The following MTA3 variants were observed in gnomAD, a reference collection of about 807,000 sequenced individuals.
MTA3 encodes the protein metastasis-associated protein MTA3.
A neutral mutation model predicts 83.5 loss-of-function variants in MTA3; 34 were observed. The ratio of observed to expected loss-of-function variants is 0.41; its 90% CI spans 0.31 to 0.54. MTA3 has a LOEUF of 0.54. Among genes scored for constraint, MTA3 ranks in the 20% least tolerant of loss-of-function variants. The pLI is 0.33. For synonymous variants in MTA3, 303 were observed against 252.7 expected (o/e 1.20, Z -1.89); for missense variants, 761 against 726.4 (o/e 1.05, Z -0.55).
At chr2:42,623,077 C>G (rs147570980) in intron 4 of MTA3, among the ~76,000 whole-genome samples, 23 of 152,180 alleles carry the variant, frequency 1.5e-4, no homozygotes, top group African/African-American at 5.5e-4. Flanking sequence ...TAAATGGTAC[C>G]AAGTCAGTTG....
chr2:42,532,106 C>G (rs1572935568), intron 2 of MTA3, among the ~76,000 whole-genome samples: 1 of 152,222 alleles, frequency 6.6e-6, no homozygotes, highest in South Asian at 2.1e-4. Flanking sequence ...TTTCCCTGAG[C>G]TTAGCCATAA....
At chr2:42,555,092 G>T (rs1300443783) in intron 2 of MTA3, among the ~76,000 whole-genome samples, 2 of 152,064 alleles carry the variant, frequency 1.3e-5, no homozygotes, top group South Asian at 2.1e-4. Flanking sequence ...GGAGGAGGTT[G>T]CAGTGAGCCG....
intron 2 of MTA3, among the ~76,000 whole-genome samples, chr2:42,551,479 C>T (rs1419407996): frequency 6.6e-6 from 1 of 152,140 alleles, no homozygotes; most frequent in Non-Finnish European, 1.5e-5. Flanking sequence ...GCCTGAGTCA[C>T]CACGCTGGCT....
In MTA3 at chr2:42,656,234, A is replaced by G; in HGVS notation, c.534A>G (p.Glu178=). The G allele has an allele frequency of 6.2e-7, 1 of 1,613,864 alleles. No homozygotes were observed. The highest frequency in any genetic ancestry group is 8.5e-7 in the Non-Finnish European group (1 of 1,179,792). ...ESDEREQSKL[E]VKVWDPNSPL... ...ATGAGAGGGAACAATCAAAATTGGA[A>G]GTTAAAGTTTGGGATCCAAATAGCC... Residue 178 remains glutamate, a synonymous_variant, in exon 7 of 17, where the codon GAA becomes GAG. Transcript: ENST00000405094.
chr2:42,573,665 C>G (rs998932252), intron 2 of MTA3, among the ~76,000 whole-genome samples: 1 of 148,368 alleles, frequency 6.7e-6, no homozygotes, highest in Non-Finnish European at 1.5e-5. Context: ...CGCCCAACAC[C>G]ATGCCTGGCT....
chr2:42,650,600 C>T (rs553856045), intron 6 of MTA3, among the ~76,000 whole-genome samples: 10 of 152,068 alleles, frequency 6.6e-5, no homozygotes, highest in Middle Eastern at 3.4e-3. Context: ...CCACCAAGCC[C>T]GGCTAATTTT....
In MTA3 at chr2:42,708,033, A is replaced by C; in HGVS notation, c.1281A>C (p.Leu427Phe). Reference protein sequence around the residue: ...KMPTQSEEEKLSPSPTTEDPR... With the variant: ...KMPTQSEEEKFSPSPTTEDPR... ...CCACCCAGTCAGAAGAAGAGAAGTT[A>C]TCTCCTAGCCCAACTACAGAGGTAC... The change falls in exon 13 of 17, where the codon TTA (leucine) becomes TTC (phenylalanine). Residue 427 changes from leucine (L) to phenylalanine (F), a missense_variant. By Grantham distance (22) the Leu-to-Phe change is conservative (BLOSUM62 0). Transcript: ENST00000405094. 6.2e-7 allele frequency: 1 copy of C among 1,611,266 alleles called. No individual in the cohort carries two copies. Among genetic ancestry groups the C allele is most frequent in the Non-Finnish European group, 8.5e-7 (1 of 1,179,250 alleles).
rs115098348 is a variant in MTA3 at position 42,744,382 on chromosome 2, G to A, written c.1760-8992G>A. Among the ~76,000 whole-genome samples, 333 of 152,334 alleles carry A rather than the reference G, an allele frequency of 2.2e-3. 2 individuals carry two copies. Among genetic ancestry groups the A allele is most frequent in the African/African-American group, 7.7e-3 (318 of 41,562 alleles). ...TATCATGTCTCTGAGGGAAGCACTA[G>A]TGTGTGAGCCCCTCAGAGGCCTAGA... On this transcript the variant is annotated intron_variant, in intron 16 of 16. Transcript: ENST00000405094.
At chr2:42,524,584 A>G (rs1468044363) in intron 2 of MTA3, among the ~76,000 whole-genome samples, 1 of 144,302 alleles carries the variant, frequency 6.9e-6, no homozygotes, top group African/African-American at 2.6e-5. Context: ...TCGGCCTCCC[A>G]AAGTGCTGGG....
At chr2:42,661,506 C>CAAAAAAAA (rs1296698587) in intron 8 of MTA3, among the ~76,000 whole-genome samples, 2 of 27,202 alleles carry the variant, frequency 7.4e-5, no homozygotes, top group East Asian at 7.4e-4. Flanking sequence ...GACCCTGTCT[C>CAAAAAAAA]AAAAAAAAAA....
At chr2:42,645,754 T>C (rs982664202) in intron 6 of MTA3, among the ~76,000 whole-genome samples, 1 of 152,150 alleles carries the variant, frequency 6.6e-6, no homozygotes, top group Non-Finnish European at 1.5e-5. Context: ...GGTTGGGTCA[T>C]GGGGTTTAAG....
chr2:42,592,668 C>T (rs1292840798), intron 3 of MTA3, among the ~76,000 whole-genome samples: 1 of 152,140 alleles, frequency 6.6e-6, no homozygotes, highest in African/African-American at 2.4e-5. Context: ...TACACAGGGT[C>T]AGGATCATCA....
chr2:42,750,229 T>C (rs1669771873), intron 16 of MTA3, among the ~76,000 whole-genome samples: 1 of 152,126 alleles, frequency 6.6e-6, no homozygotes, highest in Admixed American at 6.5e-5. Context: ...GAACTTGTGA[T>C]CCACCTGCCT....
At chr2:42,660,755 G>C (rs952716539) in intron 8 of MTA3, among the ~76,000 whole-genome samples, 1 of 152,064 alleles carries the variant, frequency 6.6e-6, no homozygotes, top group Non-Finnish European at 1.5e-5. Flanking sequence ...ATACAATATG[G>C]GTTTTTAACT....
intron 3 of MTA3, among the ~76,000 whole-genome samples, chr2:42,606,934 C>T (rs1448501257): frequency 6.7e-6 from 1 of 149,386 alleles, no homozygotes; most frequent in Non-Finnish European, 1.5e-5. Context: ...TCAGGCGTGG[C>T]GGCGCGTGCC....
chr2:42,704,443 A>G, intron 12 of MTA3, 125 bp downstream of exon 12: 1 of 1,075,182 alleles, frequency 9.3e-7, no homozygotes, highest in Non-Finnish European at 1.3e-6. Flanking sequence ...TCTCCTCTAA[A>G]TGAGTAGATG....
intron 3 of MTA3, among the ~76,000 whole-genome samples, chr2:42,600,566 G>A (rs1308850768): frequency 6.7e-6 from 1 of 150,258 alleles, no homozygotes; most frequent in African/African-American, 2.5e-5. Flanking sequence ...TTTTGAGACC[G>A]AGTCTTGCTC....
chr2:42,632,716 G>A (rs1033296929), intron 4 of MTA3, among the ~76,000 whole-genome samples: 1 of 152,070 alleles, frequency 6.6e-6, no homozygotes, highest in African/African-American at 2.4e-5. Flanking sequence ...AACATAATTT[G>A]TCAGTCATTT....
chr2:42,710,674 A>T (rs2104512970), intron 14 of MTA3, among the ~76,000 whole-genome samples: 1 of 152,144 alleles, frequency 6.6e-6, no homozygotes, highest in South Asian at 2.1e-4. Context: ...TTGTGCTAGC[A>T]TTTGAGACCT....
Sources: allele counts gnomAD v4.1 joint callset (sites outside exome capture counted in the v4.1 genomes callset), GRCh38; gene constraint gnomAD v4.1.1; transcripts MANE v1.5; gene names NCBI Gene and HGNC (gene_info 2026-07-23, HGNC 2026-07-21).